KDM4B: variants seen among roughly 807,000 people sequenced by gnomAD.
The protein encoded by KDM4B is lysine demethylase 4B.
KDM4B carries 32 observed loss-of-function variants against 125.2 expected under a neutral mutation model. The ratio of observed to expected loss-of-function variants is 0.26; its 90% CI spans 0.19 to 0.34. KDM4B has a LOEUF of 0.34. Ranked by LOEUF, KDM4B falls within the 10% of genes least tolerant of loss-of-function variation. The probability of loss-of-function intolerance (pLI) is 1.00; values close to 1 mark genes in which losing one functional copy is unlikely to be tolerated. For synonymous variants in KDM4B, 721 were observed against 677.9 expected, an observed-to-expected ratio of 1.06 and a Z score of -0.99; for missense variants, 1,190 against 1,577.7, an observed-to-expected ratio of 0.75 and a Z score of 4.16.
intron 9 of KDM4B, among the ~76,000 whole-genome samples, chr19:5,093,544 C>T (rs1022414440): frequency 6.6e-6 from 1 of 152,226 alleles, no homozygotes; most frequent in Admixed American, 6.5e-5. Flanking sequence ...CTCACTGCAG[C>T]GCTGATAATT....
chr19:5,033,301 T>G (rs1023513857), intron 3 of KDM4B, among the ~76,000 whole-genome samples: 3 of 152,254 alleles, frequency 2.0e-5, no homozygotes, highest in African/African-American at 7.2e-5. Flanking sequence ...ACAGCCACAC[T>G]GCAGTGAAGC....
At chr19:5,059,355 CG>C (rs1279271696) in intron 6 of KDM4B, among the ~76,000 whole-genome samples, 1 of 152,222 alleles carries the variant, frequency 6.6e-6, no homozygotes, top group Non-Finnish European at 1.5e-5. Flanking sequence ...AGGATGGGGC[CG>C]ATGACAGCGA....
At chr19:5,077,595 C>A in intron 8 of KDM4B, 125 bp downstream of exon 8, 1 of 773,744 alleles carries the variant, frequency 1.3e-6, no homozygotes, top group Non-Finnish European at 2.2e-6. Context: ...CAGTGATTAG[C>A]ATGCCAGAGG....
intron 6 of KDM4B, among the ~76,000 whole-genome samples, chr19:5,065,540 C>T (rs953625139): frequency 2.0e-5 from 3 of 152,228 alleles, no homozygotes; most frequent in African/African-American, 4.8e-5. Context: ...TAATTATTCA[C>T]ATCCATCAAG....
At chr19:5,097,031 G>C (rs1324279281) in intron 9 of KDM4B, among the ~76,000 whole-genome samples, 1 of 152,200 alleles carries the variant, frequency 6.6e-6, no homozygotes, top group Non-Finnish European at 1.5e-5. Context: ...GTGTGGTGTG[G>C]AGTCAGCAGG....
At chr19:5,088,194 C>T (rs892493144) in intron 9 of KDM4B, among the ~76,000 whole-genome samples, 2 of 152,212 alleles carry the variant, frequency 1.3e-5, no homozygotes, top group Non-Finnish European at 1.5e-5. Context: ...AAGGGCCCAT[C>T]GTTTTCAGGG....
At chr19:5,084,419 TTATA>T (rs527655842) in intron 9 of KDM4B, among the ~76,000 whole-genome samples, 78 of 141,516 alleles carry the variant, frequency 5.5e-4, no homozygotes, top group Admixed American at 2.8e-3. Flanking sequence ...ATTACATAAT[TTATA>T]TATATAAATA....
intron 5 of KDM4B, among the ~76,000 whole-genome samples, chr19:5,045,570 T>C (rs1451329984): frequency 1.3e-5 from 2 of 152,006 alleles, no homozygotes; most frequent in African/African-American, 4.8e-5. Flanking sequence ...TTCTTTCTTT[T>C]TTTTTTTTTG....
chr19:5,014,346 G>A (rs890808429), intron 1 of KDM4B, among the ~76,000 whole-genome samples: 4 of 152,126 alleles, frequency 2.6e-5, no homozygotes, highest in Admixed American at 1.3e-4. Flanking sequence ...GCACGATCTC[G>A]GCTCGCTGCA....
intron 11 of KDM4B, 25 bp downstream of exon 11, chr19:5,119,877 G>T: frequency 6.5e-7 from 1 of 1,543,006 alleles, no homozygotes; most frequent in Middle Eastern, 2.3e-4. Context: ...GGCCAGGCCT[G>T]GCACCGCTGT....
At chr19:5,000,663 TA>T (rs1262703447) in intron 1 of KDM4B, among the ~76,000 whole-genome samples, 1 of 152,242 alleles carries the variant, frequency 6.6e-6, no homozygotes, top group Non-Finnish European at 1.5e-5. Flanking sequence ...AAACTGTATT[TA>T]AAAGTTTACA....
At chr19:5,071,889 C>T (rs1439648407) in intron 7 of KDM4B, among the ~76,000 whole-genome samples, 1 of 152,242 alleles carries the variant, frequency 6.6e-6, no homozygotes, top group Non-Finnish European at 1.5e-5. Flanking sequence ...TTCCTCCCTC[C>T]CGCTGGTCCA....
chr19:5,092,951 A>G (rs561068116), intron 9 of KDM4B, among the ~76,000 whole-genome samples: 1 of 152,264 alleles, frequency 6.6e-6, no homozygotes, highest in Non-Finnish European at 1.5e-5. Flanking sequence ...ACCCCTGACC[A>G]CATGTCCTCT....
rs866094581 is a variant in KDM4B at position 5,151,672 on chromosome 19, C to T, written c.*161C>T. 1.8e-6 allele frequency: 1 copy of T among 550,910 alleles called. No individual in the cohort carries two copies. Among genetic ancestry groups the T allele is most frequent in the Non-Finnish European group, 2.7e-6 (1 of 364,214 alleles). The allele number at this position is 550,910 out of a possible 1,614,324, so 34.1% of individuals were successfully genotyped here. A position where few individuals can be genotyped will look rare whatever the true frequency, so the allele number is the denominator to read the frequency against. ...GGCGACAGGAGCCAGCGGGACGCCG[C>T]ACGCGGCCCCAGACTCAGGGAGCAG... On this transcript the variant is annotated 3_prime_UTR_variant, in exon 23 of 23. Transcript: ENST00000159111.
At chr19:5,145,857 G>A (rs905348120) in intron 21 of KDM4B, among the ~76,000 whole-genome samples, 8 of 152,164 alleles carry the variant, frequency 5.3e-5, no homozygotes, top group Non-Finnish European at 1.0e-4. Context: ...CTCGCACCCC[G>A]AGCCCCAAGT....
chr19:4,991,225 G>T (rs996838789), intron 1 of KDM4B, among the ~76,000 whole-genome samples: 2 of 151,922 alleles, frequency 1.3e-5, no homozygotes, highest in Non-Finnish European at 2.9e-5. Flanking sequence ...CCCTCACCCA[G>T]CCCCAAAACC....
chr19:5,144,196 C>T, intron 19 of KDM4B, 44 bp downstream of exon 19: 1 of 1,584,814 alleles, frequency 6.3e-7, no homozygotes, highest in Non-Finnish European at 8.6e-7. Flanking sequence ...CTGGCTCCCG[C>T]CCCCACCGAC....
chr19:4,970,035 C>T (rs568241392), intron 1 of KDM4B, among the ~76,000 whole-genome samples: 1 of 152,168 alleles, frequency 6.6e-6, no homozygotes, highest in African/African-American at 2.4e-5. Context: ...GACCCCTTTT[C>T]TGTGTCCCCC....
intron 9 of KDM4B, 105 bp from the exon 10 acceptor site, chr19:5,110,517 G>C: frequency 9.8e-7 from 1 of 1,019,358 alleles, no homozygotes; most frequent in Non-Finnish European, 1.5e-6. Flanking sequence ...GGTGGGATGG[G>C]GTGTGGGAGG....
Sources: allele counts gnomAD v4.1 joint callset (sites outside exome capture counted in the v4.1 genomes callset), GRCh38; gene constraint gnomAD v4.1.1; transcripts MANE v1.5; gene names NCBI Gene and HGNC (gene_info 2026-07-23, HGNC 2026-07-21).